The following CNTLN variants were observed in gnomAD, a reference collection of about 807,000 sequenced individuals.
The protein encoded by CNTLN is centlein, centrosomal protein.
A neutral mutation model predicts 180.0 loss-of-function variants in CNTLN; 212 were observed. That is an observed-to-expected ratio of 1.18 (90% CI 1.05 to 1.32). The LOEUF (loss-of-function observed/expected upper bound fraction) is 1.32, where lower values mean the gene tolerates loss of function less well. Ranked by LOEUF, CNTLN falls within the 40% of genes most tolerant of loss-of-function variation. The pLI is 0.00. For missense variants in CNTLN, 2,095 were observed against 1,610.9 expected, an observed-to-expected ratio of 1.30 and a Z score of -5.14; for synonymous variants, 722 against 563.1, an observed-to-expected ratio of 1.28 and a Z score of -3.99.
intron 8 of CNTLN, among the ~76,000 whole-genome samples, chr9:17,323,667 A>G (rs1051644961): frequency 2.5e-4 from 38 of 152,226 alleles, no homozygotes; most frequent in African/African-American, 8.9e-4. Context: ...GTTGGTTTTC[A>G]ACTGCTGAAA....
At chr9:17,290,675 G>C (rs941086600) in intron 6 of CNTLN, among the ~76,000 whole-genome samples, 7 of 150,220 alleles carry the variant, frequency 4.7e-5, no homozygotes, top group Admixed American at 2.7e-4. Flanking sequence ...CGTGGGCGTA[G>C]GACCCTCCGA....
At chr9:17,471,414 T>G (rs979640613) in intron 23 of CNTLN, among the ~76,000 whole-genome samples, 1 of 152,068 alleles carries the variant, frequency 6.6e-6, no homozygotes, top group Non-Finnish European at 1.5e-5. Flanking sequence ...TACAATAAAT[T>G]ATAGTAATTG....
chr9:17,290,823 C>A (rs1053463605), intron 6 of CNTLN, among the ~76,000 whole-genome samples: 3 of 152,186 alleles, frequency 2.0e-5, no homozygotes, highest in Admixed American at 2.0e-4. Context: ...ACTCCCTGAT[C>A]CCTCGCGCTT....
the CNTLN span, among the ~76,000 whole-genome samples, chr9:17,513,564 G>T: frequency 6.6e-6 from 1 of 152,120 alleles, no homozygotes; most frequent in Non-Finnish European, 1.5e-5. Context: ...TGGTGTGGTG[G>T]CATGCACCTG....
At chr9:17,355,377 T>C (rs1314570214) in intron 12 of CNTLN, among the ~76,000 whole-genome samples, 1 of 152,170 alleles carries the variant, frequency 6.6e-6, no homozygotes, top group East Asian at 1.9e-4. Context: ...TTCCTCCCAT[T>C]CCGTAGGCTA....
At chr9:17,475,815 G>C (rs1321266857) in intron 23 of CNTLN, among the ~76,000 whole-genome samples, 1 of 149,282 alleles carries the variant, frequency 6.7e-6, no homozygotes, top group African/African-American at 2.5e-5. Flanking sequence ...GGAGCTTGCA[G>C]TGAGCCAAGA....
At chr9:17,295,037 C>A (rs1010913603) in intron 6 of CNTLN, among the ~76,000 whole-genome samples, 19 of 151,932 alleles carry the variant, frequency 1.3e-4, no homozygotes, top group Admixed American at 1.1e-3. Context: ...GCCAACACTG[C>A]TGGGGGACCT....
At chr9:17,318,944 G>T (rs561676681) in intron 8 of CNTLN, among the ~76,000 whole-genome samples, 3 of 152,150 alleles carry the variant, frequency 2.0e-5, no homozygotes, top group Admixed American at 6.5e-5. Context: ...TTTTACAGGG[G>T]ATACGAAACT....
the CNTLN span, among the ~76,000 whole-genome samples, chr9:17,509,535 C>G: frequency 6.6e-6 from 1 of 152,092 alleles, no homozygotes; most frequent in South Asian, 2.1e-4. Flanking sequence ...TGTTCGTCAC[C>G]ATCCTAAATC....
intron 18 of CNTLN, among the ~76,000 whole-genome samples, chr9:17,440,451 T>C (rs532664794): frequency 5.5e-5 from 8 of 144,358 alleles, no homozygotes; most frequent in Non-Finnish European, 1.2e-4. Flanking sequence ...GAGCCGGGCG[T>C]AGTGGCAGGC....
At chr9:17,453,967 C>T (rs998764546) in intron 18 of CNTLN, among the ~76,000 whole-genome samples, 2 of 152,154 alleles carry the variant, frequency 1.3e-5, no homozygotes, top group Admixed American at 6.5e-5. Context: ...TGATTAGGGA[C>T]GCTGACCCTA....
intron 5 of CNTLN, among the ~76,000 whole-genome samples, chr9:17,263,840 T>G (rs1019090423): frequency 4.9e-5 from 7 of 143,190 alleles, no homozygotes; most frequent in Non-Finnish European, 9.1e-5. Flanking sequence ...ATAAATGTCT[T>G]CTTTTGAGAA....
chr9:17,267,430 C>A (rs754688102), intron 5 of CNTLN, among the ~76,000 whole-genome samples: 38 of 152,166 alleles, frequency 2.5e-4, no homozygotes, highest in Admixed American at 8.5e-4. Flanking sequence ...ATGGGCTTCC[C>A]TTTGTGGGTA....
At chr9:17,380,951 G>T (rs1220247724) in intron 13 of CNTLN, among the ~76,000 whole-genome samples, 1 of 152,176 alleles carries the variant, frequency 6.6e-6, no homozygotes. Flanking sequence ...TAAACATGAA[G>T]AGCTTCTTTT....
intron 5 of CNTLN, among the ~76,000 whole-genome samples, chr9:17,249,594 C>T (rs1241950355): frequency 6.6e-6 from 1 of 151,990 alleles, no homozygotes; most frequent in South Asian, 2.1e-4. Flanking sequence ...CATGATCTGC[C>T]TTCCTCGGCC....
intron 2 of CNTLN, among the ~76,000 whole-genome samples, chr9:17,206,143 C>T (rs537362182): frequency 2.0e-5 from 3 of 152,246 alleles, no homozygotes; most frequent in Admixed American, 6.5e-5. Flanking sequence ...CTTGGAGAAT[C>T]GTCCCTGCTA....
chr9:17,211,218 G>T (rs1363164659), intron 2 of CNTLN, among the ~76,000 whole-genome samples: 1 of 152,124 alleles, frequency 6.6e-6, no homozygotes, highest in Non-Finnish European at 1.5e-5. Flanking sequence ...AATCCCTCTT[G>T]AATTAATTTT....
chr9:17,518,157 C>T, the CNTLN span, among the ~76,000 whole-genome samples: 2 of 141,448 alleles, frequency 1.4e-5, no homozygotes, highest in Non-Finnish European at 3.0e-5. Context: ...AAGTGATTCT[C>T]CTGCCTCAGC....
At chr9:17,455,677 C>T (rs145991081) in intron 18 of CNTLN, among the ~76,000 whole-genome samples, 147 of 152,032 alleles carry the variant, frequency 9.7e-4, no homozygotes, top group Middle Eastern at 6.8e-3. Flanking sequence ...GAAAGAAACA[C>T]CACGTGTAGA....
Sources: gnomAD v4.1 joint callset for allele counts (sites outside exome capture counted in the v4.1 genomes callset) on GRCh38, gnomAD v4.1.1 for gene constraint, MANE v1.5 for transcripts, NCBI Gene and HGNC (gene_info 2026-07-23, HGNC 2026-07-21) for gene names.